Variants in MPHOSPH9 observed in about 807,000 individuals in gnomAD.
The protein encoded by MPHOSPH9 is M-phase phosphoprotein 9.
Under a neutral mutation model 145.5 loss-of-function variants are expected in MPHOSPH9, and 88 were observed. The observed-to-expected ratio is 0.60, with a 90% CI of 0.51 to 0.72. The LOEUF (loss-of-function observed/expected upper bound fraction) is 0.72, where lower values mean the gene tolerates loss of function less well. Among genes scored for constraint, MPHOSPH9 ranks in the 30% least tolerant of loss-of-function variants. The probability of loss-of-function intolerance (pLI) is 0.00; values close to 1 mark genes in which losing one functional copy is unlikely to be tolerated. For synonymous variants in MPHOSPH9, 435 were observed against 486.2 expected (o/e 0.89, Z 1.39); for missense variants, 1,238 against 1,386.6 (o/e 0.89, Z 1.70).
At chr12:123,167,669 A>T in intron 16 of MPHOSPH9, among the ~76,000 whole-genome samples, 1 of 152,052 alleles carries the variant, frequency 6.6e-6, no homozygotes, top group Admixed American at 6.5e-5. Context: ...TTCCAAATAA[A>T]TTTCTTTGGA....
chr12:123,197,415 T>C (rs1053486215), intron 12 of MPHOSPH9, among the ~76,000 whole-genome samples: 6 of 151,710 alleles, frequency 4.0e-5, no homozygotes, highest in Non-Finnish European at 5.9e-5. Context: ...CAAGCAACTC[T>C]CCCACCTCAG....
chr12:123,154,275 C>A lies in MPHOSPH9; in HGVS notation c.*2532G>T, dbSNP rs1187433124. On this transcript the variant is annotated 3_prime_UTR_variant, in exon 24 of 24. Transcript: ENST00000606320. ...CTGCAGCAAAGCCCCAAGCCAACAA[C>A]AAAAATAGTTTATACCCGGGGATAA... 6.7e-6 allele frequency: 1 copy of A among 148,196 alleles called. No individual in the cohort carries two copies. Among genetic ancestry groups the A allele is most frequent in the Admixed American group, 6.8e-5 (1 of 14,718 alleles). 9.2% of individuals were successfully genotyped at this position (148,196 alleles called of 1,614,324 possible).
At chr12:123,175,063 TG>T (rs2138030552) in intron 16 of MPHOSPH9, among the ~76,000 whole-genome samples, 1 of 152,310 alleles carries the variant, frequency 6.6e-6, no homozygotes, top group African/African-American at 2.4e-5. Flanking sequence ...CATCTTCTCA[TG>T]GCAGGTACAT....
chr12:123,182,244 T>C (rs2045203091), intron 13 of MPHOSPH9, among the ~76,000 whole-genome samples: 1 of 80,908 alleles, frequency 1.2e-5, no homozygotes, highest in Admixed American at 1.5e-4. Flanking sequence ...CGGTGTTTTT[T>C]TTGTGTTTTT....
chr12:123,187,319 AAT>A (rs759258871), intron 13 of MPHOSPH9, among the ~76,000 whole-genome samples: 28 of 152,338 alleles, frequency 1.8e-4, no homozygotes, highest in Non-Finnish European at 2.6e-4. Flanking sequence ...TAAATACTAG[AAT>A]ATGATATACC....
At chr12:123,177,381 A>C (rs1381063405) in intron 15 of MPHOSPH9, among the ~76,000 whole-genome samples, 1 of 151,982 alleles carries the variant, frequency 6.6e-6, no homozygotes, top group Admixed American at 6.6e-5. Flanking sequence ...CTAAAAATAC[A>C]AAAATCAGCC....
At chr12:123,187,110 A>G (rs2045477424) in intron 13 of MPHOSPH9, among the ~76,000 whole-genome samples, 1 of 151,996 alleles carries the variant, frequency 6.6e-6, no homozygotes, top group South Asian at 2.1e-4. Context: ...AAATACAAAA[A>G]ACTAGCCGGG....
intron 3 of MPHOSPH9, among the ~76,000 whole-genome samples, chr12:123,225,726 G>T (rs1169047077): frequency 1.3e-5 from 2 of 152,134 alleles, no homozygotes; most frequent in Admixed American, 1.3e-4. Flanking sequence ...CCTAAAGCAT[G>T]TTAATTCAGT....
chr12:123,186,006 C>T (rs2045426903), intron 13 of MPHOSPH9, among the ~76,000 whole-genome samples: 1 of 151,758 alleles, frequency 6.6e-6, no homozygotes, highest in Non-Finnish European at 1.5e-5. Flanking sequence ...GCGGGTGGAT[C>T]ACGAGGTCAG....
At chr12:123,178,263 C>G (rs1178707966) in intron 15 of MPHOSPH9, among the ~76,000 whole-genome samples, 1 of 152,186 alleles carries the variant, frequency 6.6e-6, no homozygotes, top group African/African-American at 2.4e-5. Context: ...GAATTCTTAC[C>G]TACTTTGATG....
chr12:123,207,513 T>C (rs1038144651), intron 8 of MPHOSPH9, among the ~76,000 whole-genome samples: 4 of 152,216 alleles, frequency 2.6e-5, no homozygotes, highest in East Asian at 1.9e-4. Flanking sequence ...GTTACTTTAA[T>C]AGTATCTCTC....
At chr12:123,193,460 T>G (rs1251202447) in intron 13 of MPHOSPH9, among the ~76,000 whole-genome samples, 1 of 152,042 alleles carries the variant, frequency 6.6e-6, no homozygotes, top group Non-Finnish European at 1.5e-5. Context: ...AGATTACTCA[T>G]GTATTGTAAT....
intron 13 of MPHOSPH9, among the ~76,000 whole-genome samples, chr12:123,189,857 A>C (rs1014023284): frequency 1.3e-5 from 2 of 151,058 alleles, no homozygotes; most frequent in Non-Finnish European, 2.9e-5. Flanking sequence ...AATGGCACAA[A>C]CCCGGGAGGC....
chr12:123,215,971 C>T (rs1175866352), intron 6 of MPHOSPH9, among the ~76,000 whole-genome samples: 4 of 152,126 alleles, frequency 2.6e-5, no homozygotes, highest in South Asian at 4.1e-4. Flanking sequence ...GGCGCGGTGG[C>T]TCACGCCTAT....
rs1221638429 is a variant in MPHOSPH9 at position 123,159,749 on chromosome 12, C to A, written c.3450+1032G>T. 6.6e-6 allele frequency: 1 copy of A among 152,104 alleles called. No homozygotes were observed. The highest frequency in any genetic ancestry group is 1.5e-5 in the Non-Finnish European group (1 of 68,034). The allele number at this position is 152,104 out of a possible 1,614,324, so 9.4% of individuals were successfully genotyped here. On this transcript the variant is annotated intron_variant, in intron 23 of 23. Coordinates refer to ENST00000606320, the MANE Select transcript of MPHOSPH9 (RefSeq NM_022782.4). This position sits in a 1 kb window ranked among gnomAD's most constrained non-coding sequence, Gnocchi z 4.3. The stretch of plus-strand genomic sequence containing the variant: ...TATGATATCCAAAATTAGAAGCAAC[C>A]CAAATTTCTACTAAAACATTCTTGG...
intron 6 of MPHOSPH9, among the ~76,000 whole-genome samples, chr12:123,217,986 A>T (rs1258178159): frequency 6.6e-6 from 1 of 151,188 alleles, no homozygotes; most frequent in Non-Finnish European, 1.5e-5. Flanking sequence ...CGGAGCTTGC[A>T]GTGAGCCAAG....
intron 1 of MPHOSPH9, among the ~76,000 whole-genome samples, chr12:123,243,143 T>C (rs1196916456): frequency 6.6e-6 from 1 of 152,136 alleles, no homozygotes; most frequent in Non-Finnish European, 1.5e-5. Context: ...ACAAAACCAG[T>C]TTTTAAAGCA....
chr12:123,172,791 T>C (rs2049114), intron 16 of MPHOSPH9, among the ~76,000 whole-genome samples: 97,989 of 151,730 alleles, frequency 0.65, 36,199 homozygotes, highest in East Asian at 1. Flanking sequence ...GCCACCTGCA[T>C]TGTCATGATG....
intron 8 of MPHOSPH9, among the ~76,000 whole-genome samples, chr12:123,206,808 G>T (rs2046456468): frequency 6.6e-6 from 1 of 151,958 alleles, no homozygotes; most frequent in South Asian, 2.1e-4. Context: ...TAGCTACTCA[G>T]GAGGCTGAAG....
Sources: gnomAD v4.1 joint callset for allele counts (sites outside exome capture counted in the v4.1 genomes callset) on GRCh38, gnomAD v4.1.1 for gene constraint, Gnocchi (gnomAD v3.1) non-coding constraint, MANE v1.5 for transcripts, NCBI Gene and HGNC (gene_info 2026-07-23, HGNC 2026-07-21) for gene names.